The following EPHA6 variants were observed in gnomAD, a reference collection of about 807,000 sequenced individuals.
The protein encoded by EPHA6 is EPH receptor A6.
Under a neutral mutation model 112.0 loss-of-function variants are expected in EPHA6, and 50 were observed. That is an observed-to-expected ratio of 0.45 (90% CI 0.36 to 0.56). The LOEUF is 0.56. EPHA6 is among the 20% of genes least tolerant of loss of function. The pLI, the probability that EPHA6 is intolerant of heterozygous loss-of-function variation, is 0.00. For synonymous variants in EPHA6, 529 were observed against 490.7 expected, an observed-to-expected ratio of 1.08 and a Z score of -1.03; for missense variants, 1,280 against 1,417.4, an observed-to-expected ratio of 0.90 and a Z score of 1.56.
At chr3:97,187,198 T>A (rs754442685) in intron 3 of EPHA6, among the ~76,000 whole-genome samples, 41 of 152,222 alleles carry the variant, frequency 2.7e-4, no homozygotes, top group Non-Finnish European at 2.4e-4. Context: ...TAAGGATCAG[T>A]TCTTTTCTGA....
chr3:96,900,370 G>A (rs1242285467), intron 2 of EPHA6, among the ~76,000 whole-genome samples: 1 of 152,146 alleles, frequency 6.6e-6, no homozygotes, highest in African/African-American at 2.4e-5. Flanking sequence ...TAATTTGGAA[G>A]AAAATGTAAA....
intron 4 of EPHA6, among the ~76,000 whole-genome samples, chr3:97,235,463 T>C (rs2078651227): frequency 6.6e-6 from 1 of 152,072 alleles, no homozygotes; most frequent in Non-Finnish European, 1.5e-5. Flanking sequence ...GCCTTTCAGT[T>C]CTACTTTTTA....
chr3:97,508,971 A>T (rs1238270751), intron 10 of EPHA6, among the ~76,000 whole-genome samples: 2 of 66,944 alleles, frequency 3.0e-5, no homozygotes, highest in Non-Finnish European at 5.9e-5. Flanking sequence ...AGAGACTAGG[A>T]TTGCATCCCT....
At chr3:97,515,767 TC>T (rs1168141160) in intron 10 of EPHA6, among the ~76,000 whole-genome samples, 2 of 152,056 alleles carry the variant, frequency 1.3e-5, no homozygotes, top group Non-Finnish European at 1.5e-5. Flanking sequence ...AAATTTAATC[TC>T]CTTGAGGACA....
rs371370327 is a variant in EPHA6, at chr3:97,498,564, T to A, written c.2200+14505T>A. Among the ~76,000 whole-genome samples, 13 of 152,294 alleles carry A rather than the reference T, an allele frequency of 8.5e-5. No individual in the cohort carries two copies. In the East Asian group the frequency reaches 2.1e-3, roughly 25 times the overall value. Reference sequence around the variant, plus strand: ...AAGTACAATTAGTGTGAATGTTGTCTTATATTTGATGTATTGGCCTGGTAA... The same window carrying A: ...AAGTACAATTAGTGTGAATGTTGTCATATATTTGATGTATTGGCCTGGTAA... On this transcript the variant is annotated intron_variant, in intron 10 of 17. Transcript: ENST00000389672.
chr3:97,592,569 A>G, intron 11 of EPHA6, 43 bp from the exon 12 acceptor site: 1 of 1,609,064 alleles, frequency 6.2e-7, no homozygotes, highest in Non-Finnish European at 8.5e-7. Context: ...ATGCTTTTCC[A>G]TAAAGAAGAC....
chr3:97,695,145 G>C (rs1423663920), intron 14 of EPHA6, among the ~76,000 whole-genome samples: 1 of 152,176 alleles, frequency 6.6e-6, no homozygotes, highest in Non-Finnish European at 1.5e-5. Flanking sequence ...GAATGATTTA[G>C]TGAGATACAT....
intron 5 of EPHA6, among the ~76,000 whole-genome samples, chr3:97,346,201 C>T (rs1207107126): frequency 6.6e-6 from 1 of 152,052 alleles, no homozygotes; most frequent in East Asian, 1.9e-4. Context: ...CCTTCAAAGT[C>T]TGCAACCATA....
chr3:97,457,141 C>T (rs545333219), intron 7 of EPHA6, among the ~76,000 whole-genome samples: 1 of 152,106 alleles, frequency 6.6e-6, no homozygotes, highest in Non-Finnish European at 1.5e-5. Context: ...GACCTCTCAC[C>T]CTCATCTGTT....
chr3:97,598,120 T>C (rs2093609282), intron 12 of EPHA6, among the ~76,000 whole-genome samples: 1 of 152,066 alleles, frequency 6.6e-6, no homozygotes, highest in Non-Finnish European at 1.5e-5. Context: ...AAAAAGTTAG[T>C]ACCCATTTTT....
chr3:97,281,571 A>T (rs1342402069), intron 5 of EPHA6, among the ~76,000 whole-genome samples: 1 of 152,162 alleles, frequency 6.6e-6, no homozygotes, highest in Admixed American at 6.6e-5. Context: ...AATTGCATAG[A>T]ATACTCAAAA....
chr3:97,104,121 A>G (rs147484501), intron 3 of EPHA6, among the ~76,000 whole-genome samples: 147 of 152,152 alleles, frequency 9.7e-4, no homozygotes, highest in African/African-American at 3.3e-3. Context: ...CTCTCTTCCT[A>G]TTTGGTTGCC....
At chr3:97,213,226 C>T (rs1045788224) in intron 3 of EPHA6, among the ~76,000 whole-genome samples, 1 of 152,198 alleles carries the variant, frequency 6.6e-6, no homozygotes, top group African/African-American at 2.4e-5. Context: ...ATTTCCTCCA[C>T]TGTGCTGTGC....
At position 97,294,275 on chromosome 3, in the gene EPHA6, C is replaced by G. The variant is rs368561023; in HGVS notation, c.1606+49988C>G. 2.9e-3 allele frequency among the ~76,000 whole-genome samples: 437 copies of G among 152,334 alleles called. 2 individuals are homozygous for G. The highest frequency in any genetic ancestry group is 9.7e-3 in the African/African-American group (402 of 41,582). ...ACACAGCCCCCAGCCATGCCTCCCC[C>G]ACTTCAGCCAGCATCTTTGCAGTGG... On this transcript the variant is annotated intron_variant, in intron 5 of 17. Coordinates refer to ENST00000389672, the MANE Select transcript of EPHA6 (RefSeq NM_001080448.3).
In EPHA6 at chr3:97,179,967, C is replaced by G. The variant is rs563352653; in HGVS notation, c.1115-46297C>G. ...TGGCAAAGTCAGCCAGGTCTGTTTC[C>G]TTGCCTTAAGGTTGGCAAGGTCCCC... On this transcript the variant is annotated intron_variant, in intron 3 of 17. Transcript: ENST00000389672. Among the ~76,000 whole-genome samples, 315 of 152,168 alleles carry G rather than the reference C, an allele frequency of 2.1e-3. 1 individual carries two copies. The highest frequency in any genetic ancestry group is 2.0e-3 in the Non-Finnish European group (135 of 67,980).
At chr3:97,217,621 C>T (rs9823956) in intron 3 of EPHA6, among the ~76,000 whole-genome samples, 9,708 of 152,196 alleles carry the variant, frequency 0.064, 973 homozygotes, top group African/African-American at 0.21. Flanking sequence ...CAGATATATT[C>T]GCTATCTTGA....
At chr3:97,596,150 C>T (rs1245414324) in intron 12 of EPHA6, among the ~76,000 whole-genome samples, 1 of 152,070 alleles carries the variant, frequency 6.6e-6, no homozygotes, top group African/African-American at 2.4e-5. Flanking sequence ...CATGATCCGC[C>T]CGCCTCTGCC....
chr3:96,860,477 T>C (rs1370337372), intron 1 of EPHA6, among the ~76,000 whole-genome samples: 2 of 152,104 alleles, frequency 1.3e-5, no homozygotes, highest in African/African-American at 4.8e-5. Context: ...TAAGTAGTTA[T>C]AATCTCTTTT....
At chr3:97,088,001 T>C (rs1319606002) in intron 3 of EPHA6, among the ~76,000 whole-genome samples, 2 of 151,858 alleles carry the variant, frequency 1.3e-5, no homozygotes, top group African/African-American at 4.8e-5. Context: ...GCCAACATGG[T>C]AAAACCCCGT....
Sources: allele counts gnomAD v4.1 joint callset (sites outside exome capture counted in the v4.1 genomes callset), GRCh38; gene constraint gnomAD v4.1.1; transcripts MANE v1.5; gene names NCBI Gene and HGNC (gene_info 2026-07-23, HGNC 2026-07-21).